The following TRHDE variants were observed in gnomAD, a reference collection of about 807,000 sequenced individuals.
TRHDE encodes the protein thyrotropin releasing hormone degrading enzyme.
TRHDE carries 72 observed loss-of-function variants against 125.7 expected under a neutral mutation model. The ratio of observed to expected loss-of-function variants is 0.57; its 90% CI spans 0.47 to 0.70. The LOEUF is 0.70. Ranked by LOEUF, TRHDE falls within the 30% of genes least tolerant of loss-of-function variation. TRHDE has a pLI of 0.00. For missense variants in TRHDE, 1,110 were observed against 1,327.1 expected, an observed-to-expected ratio of 0.84 and a Z score of 2.54; for synonymous variants, 509 against 509.1, an observed-to-expected ratio of 1.00 and a Z score of 0.00.
chr12:72,092,116 T>A (rs1351269134), intron 1 of TRHDE, among the ~76,000 whole-genome samples: 1 of 152,224 alleles, frequency 6.6e-6, no homozygotes, highest in African/African-American at 2.4e-5. Flanking sequence ...CCACAGAATA[T>A]CTGATCTTAG....
intron 2 of TRHDE, among the ~76,000 whole-genome samples, chr12:72,196,692 A>T (rs1456805972): frequency 1.3e-5 from 2 of 152,060 alleles, no homozygotes; most frequent in Non-Finnish European, 2.9e-5. Flanking sequence ...ATTTTGAATA[A>T]ACTCATTATT....
intron 2 of TRHDE, among the ~76,000 whole-genome samples, chr12:72,246,067 T>G (rs1200540672): frequency 3.9e-5 from 6 of 152,174 alleles, no homozygotes; most frequent in Non-Finnish European, 8.8e-5. Context: ...AACATTCTTG[T>G]GAATATATCT....
Position 72,630,399 on chromosome 12 carries a change from G to C in TRHDE, c.2675+8648G>C, listed in dbSNP as rs190254256. ...GAATTGCTGGAGCCATTAGAAGCTG[G>C]AGAGAGGCATGGGTATATTTTCCCT... On this transcript the variant is annotated intron_variant, in intron 15 of 18. Coordinates refer to ENST00000261180, the MANE Select transcript of TRHDE (RefSeq NM_013381.3). Among the ~76,000 whole-genome samples, 5 of 151,818 alleles carry C rather than the reference G, an allele frequency of 3.3e-5. No homozygotes were observed. The Admixed American group carries it at 3.3e-4, about 10-fold the overall frequency.
chr12:72,181,619 T>A (rs965556955), intron 2 of TRHDE, among the ~76,000 whole-genome samples: 4 of 152,228 alleles, frequency 2.6e-5, no homozygotes, highest in African/African-American at 9.6e-5. Flanking sequence ...AATATGTATA[T>A]GCTAATAGTA....
At chr12:72,639,439 C>G (rs185319807) in intron 15 of TRHDE, among the ~76,000 whole-genome samples, 14 of 152,040 alleles carry the variant, frequency 9.2e-5, no homozygotes, top group African/African-American at 3.1e-4. Flanking sequence ...ACTTCTTTGC[C>G]TTTGGTTTGA....
At chr12:72,492,434 G>C (rs1592487211) in intron 5 of TRHDE, among the ~76,000 whole-genome samples, 2 of 151,838 alleles carry the variant, frequency 1.3e-5, no homozygotes, top group African/African-American at 4.8e-5. Flanking sequence ...GAAATTTGAA[G>C]TCTACATAAT....
chr12:72,537,205 G>C (rs1283964744), intron 6 of TRHDE, among the ~76,000 whole-genome samples: 1 of 151,990 alleles, frequency 6.6e-6, no homozygotes, highest in African/African-American at 2.4e-5. Context: ...AGTACAAATA[G>C]TTAATGAATG....
chr12:72,213,049 C>T (rs559301169), intron 2 of TRHDE, among the ~76,000 whole-genome samples: 1 of 152,180 alleles, frequency 6.6e-6, no homozygotes, highest in Non-Finnish European at 1.5e-5. Flanking sequence ...TAAACCTTTT[C>T]CACATTAAGC....
chr12:72,544,102 T>C (rs1237094193), intron 7 of TRHDE, among the ~76,000 whole-genome samples: 1 of 151,476 alleles, frequency 6.6e-6, no homozygotes, highest in Non-Finnish European at 1.5e-5. Context: ...ATTGATCAGA[T>C]AGATCTGTAT....
chr12:72,174,868 C>T (rs1367287990), intron 2 of TRHDE, among the ~76,000 whole-genome samples: 1 of 152,140 alleles, frequency 6.6e-6, no homozygotes. Flanking sequence ...TTTCCTTTTG[C>T]TATTACTAAA....
intron 2 of TRHDE, among the ~76,000 whole-genome samples, chr12:72,233,030 G>A (rs1878276979): frequency 6.6e-6 from 1 of 152,156 alleles, no homozygotes; most frequent in Admixed American, 6.5e-5. Context: ...TACAGGGTAA[G>A]AGCTTAATAT....
intron 2 of TRHDE, among the ~76,000 whole-genome samples, chr12:72,200,216 C>G (rs1160810250): frequency 2.0e-5 from 3 of 152,088 alleles, no homozygotes; most frequent in Non-Finnish European, 2.9e-5. Flanking sequence ...GCTGACATCT[C>G]TTGTAATTGA....
At chr12:72,348,221 C>A (rs527507145) in intron 2 of TRHDE, among the ~76,000 whole-genome samples, 1 of 151,890 alleles carries the variant, frequency 6.6e-6, no homozygotes, top group African/African-American at 2.4e-5. Context: ...AGAACACTTA[C>A]AATTTACTCT....
At chr12:72,570,661 C>G (rs1233924128) in intron 10 of TRHDE, among the ~76,000 whole-genome samples, 2 of 149,124 alleles carry the variant, frequency 1.3e-5, no homozygotes, top group African/African-American at 2.5e-5. Flanking sequence ...TGAGGGATTG[C>G]TTTCCTTTAC....
At chr12:72,603,955 G>A (rs534956694) in intron 12 of TRHDE, among the ~76,000 whole-genome samples, 1 of 152,210 alleles carries the variant, frequency 6.6e-6, no homozygotes, top group Non-Finnish European at 1.5e-5. Flanking sequence ...TAATCCAGTG[G>A]CTAGAATACA....
intron 12 of TRHDE, among the ~76,000 whole-genome samples, chr12:72,615,189 G>T (rs995282760): frequency 6.6e-6 from 1 of 152,172 alleles, no homozygotes; most frequent in South Asian, 2.1e-4. Context: ...GGGAAGAAAG[G>T]TATAACCTAC....
intron 3 of TRHDE, among the ~76,000 whole-genome samples, chr12:72,429,153 A>G (rs1327476984): frequency 1.3e-5 from 2 of 152,002 alleles, no homozygotes; most frequent in Non-Finnish European, 2.9e-5. Context: ...ATGAGAACAC[A>G]TGGACACAGG....
intron 1 of TRHDE, among the ~76,000 whole-genome samples, chr12:72,090,963 T>G (rs1484293703): frequency 1.3e-5 from 2 of 152,216 alleles, no homozygotes; most frequent in East Asian, 3.9e-4. Flanking sequence ...CTCTAACTTC[T>G]GGGCTGCAGC....
chr12:72,147,144 A>G (rs1766067899), intron 2 of TRHDE, among the ~76,000 whole-genome samples: 1 of 151,736 alleles, frequency 6.6e-6, no homozygotes. Flanking sequence ...GTGGACCAAA[A>G]GGCAACTTTT....
Sources: gnomAD v4.1 joint callset for allele counts (sites outside exome capture counted in the v4.1 genomes callset) on GRCh38, gnomAD v4.1.1 for gene constraint, MANE v1.5 for transcripts, NCBI Gene and HGNC (gene_info 2026-07-23, HGNC 2026-07-21) for gene names.